Variants in OPRM1 observed in about 807,000 individuals in gnomAD.
OPRM1 encodes mu-type opioid receptor.
A neutral mutation model predicts 31.8 loss-of-function variants in OPRM1; 27 were observed. That is an observed-to-expected ratio of 0.85 (90% CI 0.63 to 1.17). The LOEUF (loss-of-function observed/expected upper bound fraction) is 1.17, where lower values mean the gene tolerates loss of function less well. Among genes scored for constraint, OPRM1 ranks in the 50% most tolerant of loss-of-function variants. The probability of loss-of-function intolerance (pLI) is 0.00; values close to 1 mark genes in which losing one functional copy is unlikely to be tolerated. For synonymous variants in OPRM1, 196 were observed against 189.9 expected (o/e 1.03, Z -0.26); for missense variants, 536 against 511.1 (o/e 1.05, Z -0.47).
chr6:154,086,479 G>A (rs1790600904), intron 1 of OPRM1: 1 of 556,778 alleles, frequency 1.8e-6, no homozygotes, highest in Non-Finnish European at 2.3e-6. Flanking sequence ...ACAACATGAT[G>A]TTTTGAAATG....
At chr6:154,217,945 C>T (rs1329451487) in intron 3 of OPRM1, among the ~76,000 whole-genome samples, 5 of 152,196 alleles carry the variant, frequency 3.3e-5, no homozygotes, top group Admixed American at 3.3e-4. Flanking sequence ...GAAAATATTT[C>T]TCTCAGCCCT....
intron 1 of OPRM1, among the ~76,000 whole-genome samples, chr6:154,049,332 A>G (rs554029344): frequency 6.6e-6 from 1 of 152,296 alleles, no homozygotes; most frequent in Admixed American, 6.5e-5. Context: ...GTGGCAATAA[A>G]TAGATTGTGA....
chr6:154,107,556 G>A (rs1215004006), intron 3 of OPRM1: 1 of 718,466 alleles, frequency 1.4e-6, no homozygotes, highest in African/African-American at 1.7e-5. Context: ...TTCCCAGGAA[G>A]AGTCTAGAGC....
chr6:154,049,662 A>G (rs1781824160), intron 1 of OPRM1, among the ~76,000 whole-genome samples: 1 of 152,248 alleles, frequency 6.6e-6, no homozygotes, highest in African/African-American at 2.4e-5. Context: ...TAAATATGGT[A>G]GCAAATTCAT....
intron 3 of OPRM1, among the ~76,000 whole-genome samples, chr6:154,116,596 A>G (rs564953152): frequency 7.0e-4 from 107 of 152,004 alleles, no homozygotes; most frequent in Admixed American, 6.0e-3. Context: ...AAAAAAAAAA[A>G]AAAAGAAAAG....
In OPRM1 at chr6:154,109,095, A is replaced by C. The variant is rs182343425; in HGVS notation, c.1165-9588A>C. 361 of 940,998 alleles carry C rather than the reference A, an allele frequency of 3.8e-4. 1 individual carries two copies. Among genetic ancestry groups the C allele is most frequent in the Middle Eastern group, 1.1e-3 (2 of 1,866 alleles). The allele number at this position is 940,998 out of a possible 1,614,324, so 58.3% of individuals were successfully genotyped here. ...AATGTTAGCCTCACTCTAATAGACAATACACTTCAGGAACGAAATAAGCAA... is the reference window on the plus strand; with the variant it reads ...AATGTTAGCCTCACTCTAATAGACACTACACTTCAGGAACGAAATAAGCAA... On this transcript the variant is annotated intron_variant, in intron 3 of 3. Coordinates refer to ENST00000330432, the MANE Select transcript of OPRM1 (RefSeq NM_000914.5).
At chr6:154,088,536 A>T (rs953101969) in intron 1 of OPRM1, among the ~76,000 whole-genome samples, 3 of 152,182 alleles carry the variant, frequency 2.0e-5, no homozygotes, top group Admixed American at 6.5e-5. Context: ...TGGGTTTTTA[A>T]ATAGGTGTAT....
chr6:154,183,091 T>C (rs1801038440), intron 3 of OPRM1, among the ~76,000 whole-genome samples: 1 of 152,148 alleles, frequency 6.6e-6, no homozygotes, highest in Non-Finnish European at 1.5e-5. Flanking sequence ...GTGATTCTCC[T>C]GCCTCAGCTT....
At chr6:154,110,850 G>GCACT (rs1266457408) in intron 3 of OPRM1, among the ~76,000 whole-genome samples, 1 of 124,762 alleles carries the variant, frequency 8.0e-6, no homozygotes, top group Non-Finnish European at 1.6e-5. Flanking sequence ...TCGCGCCACT[G>GCACT]CACTCCAGCC....
chr6:154,211,952 ATGGCTAACAAACATGAGAAGGTGCT>A (rs553482992), intron 3 of OPRM1, among the ~76,000 whole-genome samples: 51 of 152,384 alleles, frequency 3.3e-4, no homozygotes, highest in Non-Finnish European at 6.3e-4. Context: ...GAAAGTTCTA[ATGGCTAACAAACATGAGAAGGTGCT>A]TGGCCTCATT....
Position 154,099,369 on chromosome 6 carries a change from A to G in OPRM1, c.1164+7897A>G, listed in dbSNP as rs199748736. On this transcript the variant is annotated intron_variant, in intron 3 of 3. Transcript: ENST00000330432. Reference sequence around the variant, plus strand: ...AGAGCGAGAGAGAGAGAGAGAGAGAAAGAAAGAGAAAGAAAGAGAAAGAAA... The same window carrying G: ...AGAGCGAGAGAGAGAGAGAGAGAGAGAGAAAGAGAAAGAAAGAGAAAGAAA... Among the ~76,000 whole-genome samples the G allele has an allele frequency of 8.8e-4, 100 of 113,182 alleles. 1 individual carries two copies. The South Asian group carries it at 0.015, about 17-fold the overall frequency. The allele number at this position is 113,182 out of a possible 152,430, so 74.3% of individuals were successfully genotyped here.
chr6:154,097,955 T>C (rs922684630), intron 3 of OPRM1, among the ~76,000 whole-genome samples: 3 of 152,148 alleles, frequency 2.0e-5, no homozygotes, highest in East Asian at 3.9e-4. Flanking sequence ...GAGGGTTGGG[T>C]GCAGTGGCTC....
At chr6:154,040,500 C>G (rs1263061405) in intron 1 of OPRM1, among the ~76,000 whole-genome samples, 1 of 152,152 alleles carries the variant, frequency 6.6e-6, no homozygotes, top group Non-Finnish European at 1.5e-5. Flanking sequence ...TCTGTTATAA[C>G]AAACATGACA....
rs1339298326 is a variant in OPRM1, at chr6:154,123,477, T to C, written c.*4756T>C. Among the ~76,000 whole-genome samples, 1 of 152,224 alleles carries C rather than the reference T, an allele frequency of 6.6e-6. No individual in the cohort carries two copies. Among genetic ancestry groups the C allele is most frequent in the Non-Finnish European group, 1.5e-5 (1 of 68,032 alleles). Reference sequence around the variant, plus strand: ...CAGCCTGCTTCTCCGAGGACTAGTCTTAGCTGTTTACCTAACTGATTGGTC... The same window carrying C: ...CAGCCTGCTTCTCCGAGGACTAGTCCTAGCTGTTTACCTAACTGATTGGTC... On this transcript the variant is annotated 3_prime_UTR_variant, in exon 4 of 4. Transcript: ENST00000330432.
At chr6:154,143,320 C>A (rs985405887) in intron 3 of OPRM1, among the ~76,000 whole-genome samples, 1 of 152,114 alleles carries the variant, frequency 6.6e-6, no homozygotes, top group Non-Finnish European at 1.5e-5. Flanking sequence ...CCATCTATAC[C>A]GATACCTCAA....
At chr6:154,210,720 A>T (rs1310535197) in intron 3 of OPRM1, among the ~76,000 whole-genome samples, 1 of 152,256 alleles carries the variant, frequency 6.6e-6, no homozygotes, top group East Asian at 1.9e-4. Context: ...ATAGTAAGAA[A>T]GAATAATATT....
intron 3 of OPRM1, among the ~76,000 whole-genome samples, chr6:154,162,213 C>A (rs1377040851): frequency 3.3e-5 from 5 of 152,222 alleles, no homozygotes; most frequent in Non-Finnish European, 7.3e-5. Flanking sequence ...ATTCTGTTCT[C>A]TCCTCTGACT....
downstream of OPRM1, among the ~76,000 whole-genome samples, chr6:154,136,358 G>T (rs544093): frequency 0.89 from 136,160 of 152,202 alleles, 60,956 homozygotes; most frequent in East Asian, 0.98. Context: ...TCTGCCCAAG[G>T]TAGAAGGAGA....
At chr6:154,204,094 A>T (rs1777291095) in intron 3 of OPRM1, among the ~76,000 whole-genome samples, 1 of 152,238 alleles carries the variant, frequency 6.6e-6, no homozygotes, top group Non-Finnish European at 1.5e-5. Flanking sequence ...AGTTAAAGAC[A>T]TTTCAAAAAT....
Sources: allele counts gnomAD v4.1 joint callset (sites outside exome capture counted in the v4.1 genomes callset), GRCh38; gene constraint gnomAD v4.1.1; transcripts MANE v1.5; gene names NCBI Gene and HGNC (gene_info 2026-07-23, HGNC 2026-07-21).